PDZD4: variants seen among roughly 807,000 people sequenced by gnomAD.
PDZD4 encodes PDZ domain containing 4.
In PDZD4, 9 loss-of-function variants were observed where a neutral mutation model predicts 38.5. That is an observed-to-expected ratio of 0.23 (90% CI 0.14 to 0.41). PDZD4 has a LOEUF of 0.41. PDZD4 is among the 10% of genes least tolerant of loss of function. The pLI, the probability that PDZD4 is intolerant of heterozygous loss-of-function variation, is 1.00. For missense variants in PDZD4, 612 were observed against 722.0 expected, an observed-to-expected ratio of 0.85 and a Z score of 1.75; for synonymous variants, 349 against 315.7, an observed-to-expected ratio of 1.11 and a Z score of -1.12.
At chrX:153,823,495 G>A (rs2064448998) in intron 1 of PDZD4, among the ~76,000 whole-genome samples, 1 of 110,283 alleles carries the variant, frequency 9.1e-6, no homozygotes, top group South Asian at 3.9e-4. Context: ...TGGGATTACA[G>A]GCGTGAGCCA....
chrX:153,805,746 G>A, intron 5 of PDZD4, 140 bp from the exon 6 acceptor site: 1 of 515,434 alleles, frequency 1.9e-6, no homozygotes, highest in Non-Finnish European at 3.4e-6. Context: ...TAACTAAGTG[G>A]AAGGTACCAG....
chrX:153,829,827 C>G, intron 1 of PDZD4: 1 of 768,049 alleles, frequency 1.3e-6, no homozygotes, highest in Non-Finnish European at 1.5e-6. Flanking sequence ...GGACTTGGAC[C>G]GCGCCCGGGG....
chrX:153,804,661 C>T lies in PDZD4; in HGVS notation c.1020G>A (p.Leu340=). 8.3e-7 allele frequency: 1 copy of T among 1,210,286 alleles called. No individual in the cohort carries two copies. The highest frequency in any genetic ancestry group is 1.8e-5 in the South Asian group (1 of 56,954). The part of the protein sequence containing the change: ...SRDFHFSMDS[L]LAEGAGLGGG... The stretch of plus-strand genomic sequence containing the variant: ...CTCCCAGCCCCGCCCCCTCGGCCAG[C>T]AGAGAGTCCATGCTGAAATGGAAGT... Residue 340 remains leucine, a synonymous_variant, in exon 8 of 8, where the codon CTG becomes CTA. Transcript: ENST00000393758.
intron 1 of PDZD4, among the ~76,000 whole-genome samples, chrX:153,821,556 C>T (rs2064424135): frequency 9.0e-6 from 1 of 111,359 alleles, no homozygotes; most frequent in Admixed American, 9.5e-5. Context: ...TACTCCCGGT[C>T]CCTACCCAAG....
chrX:153,808,662 G>A, intron 1 of PDZD4, 67 bp from the exon 2 acceptor site: 1 of 1,077,429 alleles, frequency 9.3e-7, no homozygotes, highest in South Asian at 2.4e-5. Context: ...GGTCAAGGCA[G>A]AGGCCCTAGC....
chrX:153,803,571 T>A lies in PDZD4; in HGVS notation c.2110A>T (p.Met704Leu), dbSNP rs782222596. The A allele has an allele frequency of 8.3e-7, 1 of 1,210,260 alleles. No individual in the cohort carries two copies. The highest frequency in any genetic ancestry group is 2.2e-5 in the Admixed American group (1 of 46,132). The change falls in exon 8 of 8, where the codon ATG (methionine) becomes TTG (leucine). Residue 704 changes from methionine to leucine, a missense_variant. By Grantham distance (15) the Met-to-Leu change is conservative. Transcript: ENST00000393758. Reference protein sequence around the residue: ...AREQRKRREFMMQSRLECLRE... With the variant: ...AREQRKRREFLMQSRLECLRE... ...AGGCACTCCAGCCGGCTCTGCATCA[T>A]GAACTCGCGCCGCTTCCGCTGCTCA... is the stretch of plus-strand genomic sequence containing the variant.
In PDZD4 at chrX:153,820,145, G is replaced by A. The variant is rs781977826; in HGVS notation, c.60+10094C>T. ...GGGCAGATCACAAGGTCAGGAGTTCGAGACCAGCATGGCCAATATGGTGAA... is the reference window on the plus strand; with the variant it reads ...GGGCAGATCACAAGGTCAGGAGTTCAAGACCAGCATGGCCAATATGGTGAA... On this transcript the variant is annotated intron_variant, in intron 1 of 7. Coordinates refer to ENST00000393758, the MANE Select transcript of PDZD4 (RefSeq NM_001303512.2). Among the ~76,000 whole-genome samples the A allele has an allele frequency of 2.9e-3, 319 of 109,514 alleles. 1 individual carries two copies. The highest frequency in any genetic ancestry group is 4.7e-3 in the Middle Eastern group (1 of 214).
In PDZD4 at chrX:153,804,216, G is replaced by A. The variant is rs2092198023; in HGVS notation, c.1465C>T (p.Leu489Phe). 1 of 1,204,062 alleles carries A rather than the reference G, an allele frequency of 8.3e-7. No individual in the cohort carries two copies. The highest frequency in any genetic ancestry group is 1.1e-6 in the Non-Finnish European group (1 of 891,985). ...TGESCRSTPL[L>F]VEPLPESPLR... ...GGGCTCTCGGGCAGGGGCTCCACAA[G>A]CAGCGGGGTGCTGCGGCAGCTCTCC... Residue 489 changes from leucine (L) to phenylalanine (F), a missense_variant, in exon 8 of 8, where the codon CTT becomes TTT. Transcript: ENST00000393758.
intron 1 of PDZD4, among the ~76,000 whole-genome samples, chrX:153,809,479 C>T (rs1300139735): frequency 8.9e-6 from 1 of 112,166 alleles, no homozygotes; most frequent in Non-Finnish European, 1.9e-5. Context: ...CCCAGCTCCT[C>T]GGGAGGCTGA....
intron 6 of PDZD4, 75 bp downstream of exon 6, chrX:153,805,430 C>G: frequency 1.2e-6 from 1 of 836,161 alleles, no homozygotes; most frequent in Non-Finnish European, 1.8e-6. Flanking sequence ...CATCTGTGCC[C>G]TAGTCACGGC....
rs868973779 is a variant in PDZD4 at position 153,803,486 on chromosome X, C to T, written c.2195G>A (p.Arg732His). Residue 732 changes from arginine to histidine, a missense_variant, in exon 8 of 8, where the codon CGC becomes CAC. By Grantham distance (29) the Arg-to-His change is conservative. Transcript: ENST00000393758. ...PELNIIALSH[R>H]KTMKKRNKKI... ...CTTGTTCCGCTTCTTCATGGTTTTG[C>T]GGTGGCTCAGGGCAATGATGTTGAG... The T allele has an allele frequency of 2.6e-6, 3 of 1,167,384 alleles. No homozygotes were observed. The highest frequency in any genetic ancestry group is 1.8e-5 in the African/African-American group (1 of 56,017).
rs1236123378 is a variant in PDZD4 at position 153,802,344 on chromosome X, C to T, written c.*1009G>A. On this transcript the variant is annotated 3_prime_UTR_variant, in exon 8 of 8. Coordinates refer to ENST00000393758, the MANE Select transcript of PDZD4 (RefSeq NM_001303512.2). ...GGCCTCTCCTTCCCAGTCAGCCCACCGCCTCTCACTGGGGTCCAGGTTGCG... is the reference window on the plus strand; with the variant it reads ...GGCCTCTCCTTCCCAGTCAGCCCACTGCCTCTCACTGGGGTCCAGGTTGCG... The T allele has an allele frequency of 8.9e-6, 1 of 111,799 alleles. No homozygotes were observed. The highest frequency in any genetic ancestry group is 3.2e-5 in the African/African-American group (1 of 30,782). The allele number at this position is 111,799 out of a possible 1,213,427, so 9.2% of individuals were successfully genotyped here.
intron 1 of PDZD4, among the ~76,000 whole-genome samples, chrX:153,826,530 T>A (rs2064483710): frequency 9.1e-6 from 1 of 110,081 alleles, no homozygotes; most frequent in Non-Finnish European, 1.9e-5. Flanking sequence ...TGCCTCAGTC[T>A]CCTGAGTAGC....
intron 1 of PDZD4, among the ~76,000 whole-genome samples, chrX:153,816,815 G>A (rs975557464): frequency 1.8e-5 from 2 of 111,687 alleles, no homozygotes; most frequent in Admixed American, 1.9e-4. Context: ...AGACCAGCAG[G>A]CAACGGCAGT....
chrX:153,807,173 A>T, intron 3 of PDZD4, 106 bp downstream of exon 3: 1 of 817,408 alleles, frequency 1.2e-6, no homozygotes, highest in Non-Finnish European at 1.8e-6. Flanking sequence ...ACTCAGCCAG[A>T]TGCGTGCCAG....
rs1172400217 is a variant in PDZD4 at position 153,805,377 on chromosome X, G to T, written c.669+128C>A. On this transcript the variant is annotated intron_variant, in intron 6 of 7. Coordinates refer to ENST00000393758, the MANE Select transcript of PDZD4 (RefSeq NM_001303512.2). ...CCAGGAGGGGAAACGGGCCCTGAGA[G>T]ACCCCTGCCCACCCGCCCTCCATCA... 6 of 526,080 alleles carry T rather than the reference G, an allele frequency of 1.1e-5. No homozygotes were observed. The African/African-American group carries it at 1.4e-4, about 12-fold the overall frequency. The allele number at this position is 526,080 out of a possible 1,213,427, so 43.4% of individuals were successfully genotyped here.
chrX:153,804,103 T>G lies in PDZD4; in HGVS notation c.1578A>C (p.Pro526=). The G allele has an allele frequency of 8.7e-7, 1 of 1,151,941 alleles. No individual in the cohort carries two copies. Among genetic ancestry groups the G allele is most frequent in the Non-Finnish European group, 1.2e-6 (1 of 869,356 alleles). The allele number at this position is 1,151,941 out of a possible 1,213,427, so 94.9% of individuals were successfully genotyped here. A position where few individuals can be genotyped will look rare whatever the true frequency, so the allele number is the denominator to read the frequency against. ...ACCGGAACTTGGCGGGGCTCCCCGGTGGAGGAGCTGCCTTGGCGGGGGTGG... is the reference window on the plus strand; with the variant it reads ...ACCGGAACTTGGCGGGGCTCCCCGGGGGAGGAGCTGCCTTGGCGGGGGTGG... The part of the protein sequence containing the change: ...AVATPAKAAP[P]PGSPAKFRSL... The change falls in exon 8 of 8, where the codon CCA becomes CCC. Residue 526 remains proline (P), a synonymous_variant. Coordinates refer to ENST00000393758, the MANE Select transcript of PDZD4 (RefSeq NM_001303512.2).
chrX:153,820,382 G>A (rs1435512208), intron 1 of PDZD4, among the ~76,000 whole-genome samples: 1 of 97,721 alleles, frequency 1.0e-5, no homozygotes, highest in Non-Finnish European at 2.1e-5. Flanking sequence ...AAAGCGAGGC[G>A]TGGTGGTGCA....
chrX:153,804,055 G>C lies in PDZD4; in HGVS notation c.1626C>G (p.Ala542=), dbSNP rs1484791916. Residue 542 remains alanine (A), a synonymous_variant, in exon 8 of 8, where the codon GCC becomes GCG. Coordinates refer to ENST00000393758, the MANE Select transcript of PDZD4 (RefSeq NM_001303512.2). Reference sequence around the variant, plus strand: ...GCTCCTCCGCGTGCTGCCTCCGGCCGGCCTCAGGATCCCGGGAGAGGGACC... The same window carrying C: ...GCTCCTCCGCGTGCTGCCTCCGGCCCGCCTCAGGATCCCGGGAGAGGGACC... ...KFRSLSRDPE[A]GRRQHAEERG... is the part of the protein sequence containing the mutation. The C allele has an allele frequency of 1.7e-6, 2 of 1,159,092 alleles. No individual in the cohort carries two copies. The highest frequency in any genetic ancestry group is 1.9e-5 in the South Asian group (1 of 52,359).
Sources: gnomAD v4.1 joint callset for allele counts (sites outside exome capture counted in the v4.1 genomes callset) on GRCh38, gnomAD v4.1.1 for gene constraint, MANE v1.5 for transcripts, NCBI Gene and HGNC (gene_info 2026-07-23, HGNC 2026-07-21) for gene names.